Variants in PDE11A observed in about 807,000 individuals in gnomAD.
The protein encoded by PDE11A is dual 3',5'-cyclic-AMP and -GMP phosphodiesterase 11A.
PDE11A carries 100 observed loss-of-function variants against 100.5 expected under a neutral mutation model. That is an observed-to-expected ratio of 1.00 (90% confidence interval 0.85 to 1.18). The LOEUF (loss-of-function observed/expected upper bound fraction) is 1.18, where lower values mean the gene tolerates loss of function less well. PDE11A is among the 50% of genes most tolerant of loss of function. PDE11A has a pLI of 0.00. For missense variants in PDE11A, 1,141 were observed against 1,152.6 expected (o/e 0.99, Z 0.15); for synonymous variants, 381 against 420.8 (o/e 0.91, Z 1.16).
At chr2:178,008,414 T>A (rs569743097) in intron 2 of PDE11A, among the ~76,000 whole-genome samples, 4 of 152,184 alleles carry the variant, frequency 2.6e-5, no homozygotes, top group South Asian at 2.1e-4. Flanking sequence ...TCTAATTTTT[T>A]AAAAAAATCA....
intron 1 of PDE11A, among the ~76,000 whole-genome samples, chr2:178,068,619 G>A (rs540589057): frequency 3.2e-4 from 49 of 152,214 alleles, no homozygotes; most frequent in Non-Finnish European, 5.6e-4. Flanking sequence ...CAGGAAGGAT[G>A]GTTACATATT....
intron 5 of PDE11A, among the ~76,000 whole-genome samples, chr2:177,868,232 G>A (rs34952215): frequency 6.6e-6 from 1 of 152,104 alleles, no homozygotes; most frequent in Non-Finnish European, 1.5e-5. Context: ...AAAGTCACAG[G>A]GCTGTCTCAT....
At chr2:178,096,817 C>G (rs899280997) in intron 2 of PDE11A, among the ~76,000 whole-genome samples, 2 of 152,200 alleles carry the variant, frequency 1.3e-5, no homozygotes, top group African/African-American at 4.8e-5. Context: ...ATCTTCCTGT[C>G]TTCTGAGCCC....
At chr2:177,979,746 G>A (rs1280260063) in intron 2 of PDE11A, among the ~76,000 whole-genome samples, 1 of 148,990 alleles carries the variant, frequency 6.7e-6, no homozygotes, top group East Asian at 2.0e-4. Context: ...GCGTAGCTGG[G>A]ACTACAGGCG....
intron 15 of PDE11A, among the ~76,000 whole-genome samples, chr2:177,686,542 G>C (rs2080953998): frequency 1.3e-5 from 2 of 152,088 alleles, no homozygotes; most frequent in African/African-American, 4.8e-5. Context: ...ACTCCAGCCT[G>C]GGCGACAGAG....
upstream of PDE11A, among the ~76,000 whole-genome samples, chr2:178,074,270 A>C (rs2087178592): frequency 6.6e-6 from 1 of 152,136 alleles, no homozygotes; most frequent in South Asian, 2.1e-4. Flanking sequence ...GGGGGGTAAT[A>C]AAAATGTTCT....
At chr2:177,824,567 A>T (rs2083197282) in intron 6 of PDE11A, among the ~76,000 whole-genome samples, 7 of 152,224 alleles carry the variant, frequency 4.6e-5, no homozygotes, top group Admixed American at 2.0e-4. Flanking sequence ...GAGCCTAAAA[A>T]GTATAAATAC....
At chr2:178,027,476 AATAG>A (rs963442628) in intron 1 of PDE11A, among the ~76,000 whole-genome samples, 68 of 152,190 alleles carry the variant, frequency 4.5e-4, no homozygotes, top group Non-Finnish European at 8.7e-4. Context: ...TTGTCAGTAA[AATAG>A]ATAGGCAACA....
chr2:177,830,570 C>T (rs2083292669), intron 6 of PDE11A, among the ~76,000 whole-genome samples: 1 of 150,654 alleles, frequency 6.6e-6, no homozygotes, highest in Non-Finnish European at 1.5e-5. Flanking sequence ...CACTGCACTC[C>T]AGCCTGGGAG....
At chr2:177,961,661 A>T (rs543113963) in intron 2 of PDE11A, among the ~76,000 whole-genome samples, 148 of 152,324 alleles carry the variant, frequency 9.7e-4, no homozygotes, top group Non-Finnish European at 1.2e-3. Flanking sequence ...CTTGAAGCCA[A>T]TTCCCACATT....
intron 2 of PDE11A, among the ~76,000 whole-genome samples, chr2:177,917,012 G>A (rs1416363551): frequency 2.1e-5 from 3 of 143,142 alleles, no homozygotes; most frequent in Admixed American, 7.5e-5. Context: ...TCCTGACTTC[G>A]TGATCCACCC....
chr2:177,691,182 TG>T (rs1263805362), intron 15 of PDE11A, among the ~76,000 whole-genome samples: 1 of 152,306 alleles, frequency 6.6e-6, no homozygotes, highest in East Asian at 1.9e-4. Context: ...AATCACAACC[TG>T]TTGAGGATCA....
intron 10 of PDE11A, among the ~76,000 whole-genome samples, chr2:177,756,297 A>G (rs1041733615): frequency 3.7e-4 from 56 of 152,306 alleles, no homozygotes; most frequent in African/African-American, 1.2e-3. Flanking sequence ...GCTGTTTTCA[A>G]GAAGACCACT....
At chr2:177,919,236 T>C (rs956017773) in intron 2 of PDE11A, among the ~76,000 whole-genome samples, 2 of 151,406 alleles carry the variant, frequency 1.3e-5, no homozygotes, top group African/African-American at 4.9e-5. Flanking sequence ...TAGCTGGGAC[T>C]ATAGGCGCGC....
chr2:178,099,790 C>G (rs748673280), intron 2 of PDE11A, among the ~76,000 whole-genome samples: 1 of 152,134 alleles, frequency 6.6e-6, no homozygotes, highest in Non-Finnish European at 1.5e-5. Context: ...AAAACACGGA[C>G]TCGACAGATA....
chr2:178,018,035 G>T (rs1038668339), intron 1 of PDE11A: 2 of 159,108 alleles, frequency 1.3e-5, no homozygotes, highest in Admixed American at 1.3e-4. Flanking sequence ...TGGCACCCAA[G>T]GAAGCTGATC....
rs1469658052 is a variant in PDE11A at position 177,631,504 on chromosome 2, A to T, written c.2647-1942T>A. Among the ~76,000 whole-genome samples the T allele has an allele frequency of 1.2e-3, 33 of 28,448 alleles. 2 individuals are homozygous for T. The highest frequency in any genetic ancestry group is 3.6e-3 in the African/African-American group (30 of 8,276). The allele number at this position is 28,448 out of a possible 152,430, so 18.7% of individuals were successfully genotyped here. A position where few individuals can be genotyped will look rare whatever the true frequency, so the allele number is the denominator to read the frequency against. On this transcript the variant is annotated intron_variant, in intron 19 of 19. Coordinates refer to ENST00000286063, the MANE Select transcript of PDE11A (RefSeq NM_016953.4). ...TCAAAAAAAAAAAAAAAAAAAAAAAAAAAAAAAAATATATATATATATATA... is the reference window on the plus strand; with the variant it reads ...TCAAAAAAAAAAAAAAAAAAAAAAATAAAAAAAAATATATATATATATATA...
intron 5 of PDE11A, among the ~76,000 whole-genome samples, chr2:177,854,490 G>A (rs1401950628): frequency 2.0e-5 from 3 of 152,044 alleles, no homozygotes; most frequent in Non-Finnish European, 4.4e-5. Context: ...ATGGGGCACA[G>A]ACACATACTT....
In PDE11A at chr2:177,727,694, G is replaced by A; in HGVS notation, c.2007C>T (p.Ala669=). ...RMVLYHNWRH[A]FNVCQLMFAM... is the part of the protein sequence containing the mutation. ...CGAACATCAGCTGACACACGTTGAA[G>A]GCATGTCTCCAGTTGTGGTATAGAA... Residue 669 remains alanine (A), a synonymous_variant, in exon 12 of 20, where the codon GCC becomes GCT. Coordinates refer to ENST00000286063, the MANE Select transcript of PDE11A (RefSeq NM_016953.4). The A allele has an allele frequency of 6.2e-7, 1 of 1,610,178 alleles. No individual in the cohort carries two copies.
Sources: gnomAD v4.1 joint callset for allele counts (sites outside exome capture counted in the v4.1 genomes callset) on GRCh38, gnomAD v4.1.1 for gene constraint, MANE v1.5 for transcripts, NCBI Gene and HGNC (gene_info 2026-07-23, HGNC 2026-07-21) for gene names.